Variants in ATP5PB observed in about 807,000 individuals in gnomAD.
ATP5PB encodes ATP synthase peripheral stalk subunit b, mitochondrial.
Under a neutral mutation model 34.5 loss-of-function variants are expected in ATP5PB, and 21 were observed. That is an observed-to-expected ratio of 0.61 (90% confidence interval 0.43 to 0.88). The LOEUF (loss-of-function observed/expected upper bound fraction) is 0.88, where lower values mean the gene tolerates loss of function less well. Among genes scored for constraint, ATP5PB ranks in the 40% least tolerant of loss-of-function variants. The pLI is 0.00. For synonymous variants in ATP5PB, 108 were observed against 114.1 expected (o/e 0.95, Z 0.34); for missense variants, 293 against 317.4 (o/e 0.92, Z 0.58).
At chr1:111,454,129 A>G in intron 2 of ATP5PB, 82 bp from the exon 3 acceptor site, 2 of 1,366,552 alleles carry the variant, frequency 1.5e-6, no homozygotes, top group Non-Finnish European at 1.9e-6. Context: ...TATCAACCCT[A>G]TTTATTGTTT....
chr1:111,459,738 C>A, intron 6 of ATP5PB, 102 bp downstream of exon 6: 3 of 1,288,190 alleles, frequency 2.3e-6, no homozygotes, highest in Non-Finnish European at 3.2e-6. Context: ...GAGTCTTTAG[C>A]CTAGAAGTAG....
At chr1:111,451,072 G>T (rs550444122) in intron 2 of ATP5PB, among the ~76,000 whole-genome samples, 1 of 152,040 alleles carries the variant, frequency 6.6e-6, no homozygotes, top group East Asian at 1.9e-4. Flanking sequence ...CTCTATTCTT[G>T]TCCCATTACA....
chr1:111,457,189 T>C (rs1653496888), intron 5 of ATP5PB, among the ~76,000 whole-genome samples: 1 of 152,168 alleles, frequency 6.6e-6, no homozygotes, highest in Admixed American at 6.5e-5. Context: ...GGCTCACACC[T>C]GTAATCCTAG....
intron 3 of ATP5PB, among the ~76,000 whole-genome samples, chr1:111,455,651 C>G (rs1044780332): frequency 6.6e-6 from 1 of 152,040 alleles, no homozygotes; most frequent in African/African-American, 2.4e-5. Context: ...TTGCTTGTTT[C>G]TTGTGTAAAT....
chr1:111,452,522 G>C (rs1653363048), intron 2 of ATP5PB, among the ~76,000 whole-genome samples: 1 of 152,252 alleles, frequency 6.6e-6, no homozygotes, highest in Non-Finnish European at 1.5e-5. Flanking sequence ...AGTGAGCTGA[G>C]ATCATGCCAC....
At position 111,449,487 on chromosome 1, in the gene ATP5PB, T is replaced by G. The variant is rs763288150; in HGVS notation, c.-55T>G. 6 of 1,614,206 alleles carry G rather than the reference T, an allele frequency of 3.7e-6. No homozygotes were observed. Among genetic ancestry groups the G allele is most frequent in the Non-Finnish European group, 5.1e-6 (6 of 1,180,026 alleles). On this transcript the variant is annotated 5_prime_UTR_variant, in exon 1 of 7. Coordinates refer to ENST00000369722, the MANE Select transcript of ATP5PB (RefSeq NM_001688.5). ...GCCATCTTGGTCCTGCCCTGACAGA[T>G]TCTCCTATCGGGGTCACAGGGACGC...
At chr1:111,450,011 A>C (rs1653269425) in intron 2 of ATP5PB, 138 bp downstream of exon 2, 1 of 1,095,074 alleles carries the variant, frequency 9.1e-7, no homozygotes. Flanking sequence ...CTTTCAGACA[A>C]GACACTTGTT....
chr1:111,451,406 G>T (rs1343347), intron 2 of ATP5PB, among the ~76,000 whole-genome samples: 1 of 151,858 alleles, frequency 6.6e-6, no homozygotes. Context: ...CTCCCTATCC[G>T]CTTACCTTGC....
chr1:111,457,078 G>A (rs1255781358), intron 5 of ATP5PB, among the ~76,000 whole-genome samples: 2 of 152,148 alleles, frequency 1.3e-5, no homozygotes, highest in Non-Finnish European at 2.9e-5. Flanking sequence ...AATACATCCT[G>A]TGTATTTCAT....
At chr1:111,454,033 T>C (rs1287470119) in intron 2 of ATP5PB, among the ~76,000 whole-genome samples, 178 bp from the exon 3 acceptor site, 1 of 152,264 alleles carries the variant, frequency 6.6e-6, no homozygotes, top group Non-Finnish European at 1.5e-5. Flanking sequence ...AATTCTTTGC[T>C]GTTGTCACAG....
At chr1:111,460,630 G>T (rs190216864) in intron 6 of ATP5PB, among the ~76,000 whole-genome samples, 1 of 152,284 alleles carries the variant, frequency 6.6e-6, no homozygotes, top group East Asian at 1.9e-4. Flanking sequence ...ATCAGTGGCA[G>T]ATGGTTACAG....
chr1:111,452,452 A>G (rs1380885941), intron 2 of ATP5PB, among the ~76,000 whole-genome samples: 1 of 152,086 alleles, frequency 6.6e-6, no homozygotes, highest in Non-Finnish European at 1.5e-5. Flanking sequence ...AATCCCAGCT[A>G]CTCAGCTACT....
At chr1:111,452,368 G>A (rs941943529) in intron 2 of ATP5PB, among the ~76,000 whole-genome samples, 5 of 149,256 alleles carry the variant, frequency 3.3e-5, no homozygotes, top group African/African-American at 1.2e-4. Flanking sequence ...AGACCAGCCT[G>A]GCCAACATGG....
rs947913992 is a variant in ATP5PB at position 111,449,842 on chromosome 1, T to C, written c.46T>C (p.Ser16Pro). Residue 16 changes from serine (S) to proline (P), a missense_variant, in exon 2 of 7, where the codon TCT becomes CCT. Coordinates refer to ENST00000369722, the MANE Select transcript of ATP5PB (RefSeq NM_001688.5). ...VLSAAATAAP[S>P]LKNAAFLGPG... ...TTCGCCTTGTCTATCTGCAGCCCCCTCTCTGAAGAATGCAGCCTTCCTAGG... is the reference window on the plus strand; with the variant it reads ...TTCGCCTTGTCTATCTGCAGCCCCCCCTCTGAAGAATGCAGCCTTCCTAGG... 2 of 1,614,048 alleles carry C rather than the reference T, an allele frequency of 1.2e-6. No homozygotes were observed. The highest frequency in any genetic ancestry group is 1.7e-6 in the Non-Finnish European group (2 of 1,180,016).
At chr1:111,455,335 A>G (rs1184927442) in intron 3 of ATP5PB, among the ~76,000 whole-genome samples, 3 of 152,226 alleles carry the variant, frequency 2.0e-5, no homozygotes, top group Non-Finnish European at 2.9e-5. Context: ...GGAACTTTGT[A>G]TGGGAAACCA....
chr1:111,455,934 T>A, intron 3 of ATP5PB, 152 bp from the exon 4 acceptor site: 1 of 575,674 alleles, frequency 1.7e-6, no homozygotes, highest in Non-Finnish European at 2.7e-6. Flanking sequence ...TTCTTTCAAC[T>A]CTACCATACT....
rs567363243 is a variant in ATP5PB at position 111,452,638 on chromosome 1, G to A, written c.78-1573G>A. Among the ~76,000 whole-genome samples, 7 of 152,184 alleles carry A rather than the reference G, an allele frequency of 4.6e-5. No homozygotes were observed. In the South Asian group the frequency reaches 1.4e-3, roughly 31 times the overall value. ...GTTAAACTAAGCAAGAGGTGATAAG[G>A]ACTTGAACTAAGGTAGCTAGTTAGG... On this transcript the variant is annotated intron_variant, in intron 2 of 6. Coordinates refer to ENST00000369722, the MANE Select transcript of ATP5PB (RefSeq NM_001688.5).
intron 3 of ATP5PB, among the ~76,000 whole-genome samples, chr1:111,455,832 A>G (rs919761993): frequency 1.3e-5 from 2 of 152,254 alleles, no homozygotes; most frequent in African/African-American, 2.4e-5. Flanking sequence ...CCATTTTACA[A>G]ATAAGGAACT....
Position 111,462,495 on chromosome 1 carries a change from TCATAGGTTTATCTG to T in ATP5PB, c.*1505_*1518del, listed in dbSNP as rs1653651212. ...TAGATAAATTAGAAAATTCTTCCCTTCATAGGTTTATCTGCATTTGATTCTCCCATACTTGTACA... is the reference window on the plus strand; with the variant it reads ...TAGATAAATTAGAAAATTCTTCCCTTCATTTGATTCTCCCATACTTGTACA... On this transcript the variant is annotated 3_prime_UTR_variant, in exon 7 of 7. Coordinates refer to ENST00000369722, the MANE Select transcript of ATP5PB (RefSeq NM_001688.5). 6.6e-6 allele frequency: 1 copy of T among 152,240 alleles called. No homozygotes were observed. Among genetic ancestry groups the T allele is most frequent in the East Asian group, 1.9e-4 (1 of 5,208 alleles). 9.4% of individuals were successfully genotyped at this position (152,240 alleles called of 1,614,324 possible).
Sources: gnomAD v4.1 joint callset for allele counts (sites outside exome capture counted in the v4.1 genomes callset) on GRCh38, gnomAD v4.1.1 for gene constraint, MANE v1.5 for transcripts, NCBI Gene and HGNC (gene_info 2026-07-23, HGNC 2026-07-21) for gene names.